The following CNNM2 variants were observed in gnomAD, a reference collection of about 807,000 sequenced individuals.
CNNM2 encodes metal transporter CNNM2.
CNNM2 carries 12 observed loss-of-function variants against 66.9 expected under a neutral mutation model. The observed-to-expected ratio is 0.18, with a 90% CI of 0.11 to 0.29. The LOEUF (loss-of-function observed/expected upper bound fraction) is 0.29. Among genes scored for constraint, CNNM2 ranks in the 10% least tolerant of loss-of-function variants. The pLI is 1.00. For synonymous variants in CNNM2, 557 were observed against 501.8 expected, an observed-to-expected ratio of 1.11 and a Z score of -1.47; for missense variants, 705 against 1,167.7, an observed-to-expected ratio of 0.60 and a Z score of 5.77.
At chr10:103,059,980 T>A (rs990140166) in intron 4 of CNNM2, among the ~76,000 whole-genome samples, 3 of 151,958 alleles carry the variant, frequency 2.0e-5, no homozygotes, top group Non-Finnish European at 4.4e-5. Context: ...CTACAAAAAA[T>A]TTTTTAAAAA....
intron 4 of CNNM2, among the ~76,000 whole-genome samples, chr10:103,060,649 GAC>G (rs2065369320): frequency 6.6e-6 from 1 of 152,164 alleles, no homozygotes; most frequent in South Asian, 2.1e-4. Flanking sequence ...TTATATTCAA[GAC>G]ACAGAACATA....
intron 1 of CNNM2, among the ~76,000 whole-genome samples, chr10:102,986,084 G>A (rs1303663424): frequency 2.0e-5 from 3 of 152,136 alleles, no homozygotes; most frequent in Admixed American, 6.5e-5. Context: ...CACTTGCCCT[G>A]TTTTACTTAG....
chr10:103,003,985 ATT>A (rs869152743), intron 1 of CNNM2, among the ~76,000 whole-genome samples: 9 of 83,996 alleles, frequency 1.1e-4, no homozygotes, highest in Admixed American at 6.2e-4. Flanking sequence ...CATTGCATGA[ATT>A]TTTTTTTTTT....
intron 1 of CNNM2, among the ~76,000 whole-genome samples, chr10:102,970,440 G>A (rs1047401275): frequency 6.6e-6 from 1 of 152,104 alleles, no homozygotes; most frequent in Non-Finnish European, 1.5e-5. Context: ...GTGCTATAAG[G>A]GCAAGAGTAG....
Position 103,068,685 on chromosome 10 carries a change from C to T in CNNM2, c.2130C>T (p.Phe710=). The T allele has an allele frequency of 6.2e-7, 1 of 1,613,294 alleles. No homozygotes were observed. Among genetic ancestry groups the T allele is most frequent in the Non-Finnish European group, 8.5e-7 (1 of 1,179,682 alleles). Residue 710 remains phenylalanine, a synonymous_variant, in exon 5 of 8, where the codon TTC becomes TTT. Transcript: ENST00000369878. ...KEGMKFEASA[F]SYYGVMALTA... ...GTATGAAGTTTGAAGCGAGCGCCTT[C>T]TCATACTATGGCGTGATGGCCCTGA...
chr10:102,982,277 A>G (rs1437211128), intron 1 of CNNM2, among the ~76,000 whole-genome samples: 1 of 152,148 alleles, frequency 6.6e-6, no homozygotes, highest in Non-Finnish European at 1.5e-5. Flanking sequence ...TATTTGATTC[A>G]TATTGGTCTG....
intron 2 of CNNM2, among the ~76,000 whole-genome samples, chr10:103,051,387 C>T (rs950832497): frequency 4.6e-4 from 70 of 151,954 alleles, no homozygotes; most frequent in African/African-American, 1.6e-3. Context: ...GCTGAGATTG[C>T]GTCACTGCAC....
chr10:103,028,506 C>T (rs2064751543), intron 1 of CNNM2, among the ~76,000 whole-genome samples: 1 of 152,148 alleles, frequency 6.6e-6, no homozygotes, highest in African/African-American at 2.4e-5. Flanking sequence ...AGAACAAACT[C>T]TATTGTAACC....
At chr10:102,980,519 C>G (rs373219783) in intron 1 of CNNM2, among the ~76,000 whole-genome samples, 1 of 152,092 alleles carries the variant, frequency 6.6e-6, no homozygotes, top group African/African-American at 2.4e-5. Context: ...ATCTGCCCGC[C>G]TTGGGCTCCA....
At chr10:102,986,779 C>A (rs369601008) in intron 1 of CNNM2, among the ~76,000 whole-genome samples, 2,913 of 120,114 alleles carry the variant, frequency 0.024, no homozygotes, top group Non-Finnish European at 0.025. Context: ...GACTCAGTCT[C>A]AAAAAAAAAA....
At chr10:103,039,837 A>G (rs935544534) in intron 1 of CNNM2, among the ~76,000 whole-genome samples, 1 of 152,114 alleles carries the variant, frequency 6.6e-6, no homozygotes, top group African/African-American at 2.4e-5. Flanking sequence ...AGGAGCTTCC[A>G]GTCTAGCAGG....
rs10624803 is a variant in CNNM2 at position 103,011,646 on chromosome 10, C to CTGTGTG, written c.1622-38027_1622-38022dup. Reference sequence around the variant, plus strand: ...TTCTTTTGCATAAGTAATACTTGCACTGTGTGTGTGTGTGTGTGTGTGTGT... The same window carrying CTGTGTG: ...TTCTTTTGCATAAGTAATACTTGCACTGTGTGTGTGTGTGTGTGTGTGTGTGTGTGT... On this transcript the variant is annotated intron_variant, in intron 1 of 7. Coordinates refer to ENST00000369878, the MANE Select transcript of CNNM2 (RefSeq NM_017649.5). Among the ~76,000 whole-genome samples the CTGTGTG allele has an allele frequency of 0.07, 9,554 of 135,898 alleles. 466 individuals carry two copies. The highest frequency in any genetic ancestry group is 0.17 in the Admixed American group (2,256 of 13,256). 89.2% of individuals were successfully genotyped at this position (135,898 alleles called of 152,430 possible).
At chr10:103,031,997 C>T (rs1165494005) in intron 1 of CNNM2, among the ~76,000 whole-genome samples, 2 of 152,188 alleles carry the variant, frequency 1.3e-5, no homozygotes, top group African/African-American at 4.8e-5. Context: ...GAGCATGAAG[C>T]CACTGCAAGC....
At chr10:103,015,236 T>G (rs1463366327) in intron 1 of CNNM2, among the ~76,000 whole-genome samples, 1 of 152,126 alleles carries the variant, frequency 6.6e-6, no homozygotes, top group East Asian at 1.9e-4. Flanking sequence ...GGGTGGAGAT[T>G]TAGGACTGGG....
Position 103,077,366 on chromosome 10 carries a change from A to T in CNNM2, c.*186A>T. The T allele has an allele frequency of 3.5e-6, 2 of 567,408 alleles. No individual in the cohort carries two copies. Among genetic ancestry groups the T allele is most frequent in the Non-Finnish European group, 3.1e-6 (1 of 324,828 alleles). The allele number at this position is 567,408 out of a possible 1,614,324, so 35.1% of individuals were successfully genotyped here. On this transcript the variant is annotated 3_prime_UTR_variant, in exon 8 of 8. Transcript: ENST00000369878. Reference sequence around the variant, plus strand: ...ACAGTGAGGGAGGAATGGAAACGAGAGATGTGAAGTTGGCAGCCGGGGCAT... The same window carrying T: ...ACAGTGAGGGAGGAATGGAAACGAGTGATGTGAAGTTGGCAGCCGGGGCAT...
intron 1 of CNNM2, among the ~76,000 whole-genome samples, chr10:103,009,838 C>A (rs1421752750): frequency 1.3e-5 from 2 of 152,012 alleles, no homozygotes; most frequent in Non-Finnish European, 1.5e-5. Flanking sequence ...TGGAAGATTA[C>A]CTTGTTTATT....
At chr10:103,021,756 TC>T (rs2064586357) in intron 1 of CNNM2, among the ~76,000 whole-genome samples, 1 of 135,608 alleles carries the variant, frequency 7.4e-6, no homozygotes, top group South Asian at 2.3e-4. Flanking sequence ...ATGGACTCTT[TC>T]CCCCAGAATA....
intron 1 of CNNM2, among the ~76,000 whole-genome samples, chr10:102,929,445 TTAAAAAA>T (rs751468016): frequency 5.9e-4 from 87 of 148,402 alleles, no homozygotes; most frequent in Non-Finnish European, 1.0e-3. Context: ...CATGTCTTTT[TTAAAAAA>T]AAAAAAAAAA....
chr10:103,054,603 T>A lies in CNNM2; in HGVS notation c.1903+137T>A, dbSNP rs2065267848. On this transcript the variant is annotated intron_variant, in intron 3 of 7. Coordinates refer to ENST00000369878, the MANE Select transcript of CNNM2 (RefSeq NM_017649.5). This position sits in a 1 kb window ranked among gnomAD's most constrained non-coding sequence, Gnocchi z 5.2. ...AATGCCACTTTTGTGTTTTGTTTTT[T>A]TTGTTTTTTTGTTTTGTTTTGTTTT... 1.4e-6 allele frequency: 1 copy of A among 733,208 alleles called. No individual in the cohort carries two copies. The highest frequency in any genetic ancestry group is 2.0e-6 in the Non-Finnish European group (1 of 501,244). The allele number at this position is 733,208 out of a possible 1,614,324, so 45.4% of individuals were successfully genotyped here. A position where few individuals can be genotyped will look rare whatever the true frequency, so the allele number is the denominator to read the frequency against.
Sources: gnomAD v4.1 joint callset for allele counts (sites outside exome capture counted in the v4.1 genomes callset) on GRCh38, gnomAD v4.1.1 for gene constraint, Gnocchi (gnomAD v3.1) non-coding constraint, MANE v1.5 for transcripts, NCBI Gene and HGNC (gene_info 2026-07-23, HGNC 2026-07-21) for gene names.